The following ATP1B3 variants were observed in gnomAD, a reference collection of about 807,000 sequenced individuals.
ATP1B3 encodes the protein ATPase Na+/K+ transporting subunit beta 3.
ATP1B3 carries 10 observed loss-of-function variants against 30.2 expected under a neutral mutation model. That is an observed-to-expected ratio of 0.33 (90% CI 0.20 to 0.56). The LOEUF is 0.56. ATP1B3 is among the 20% of genes least tolerant of loss of function. ATP1B3 has a pLI of 0.90. For synonymous variants in ATP1B3, 113 were observed against 117.0 expected (o/e 0.97, Z 0.22); for missense variants, 238 against 336.7 (o/e 0.71, Z 2.29).
In ATP1B3 at chr3:141,885,399, A is replaced by G. The variant is rs2107764253; in HGVS notation, c.109+8489A>G. 1.3e-5 allele frequency among the ~76,000 whole-genome samples: 2 copies of G among 152,016 alleles called. 1 individual carries two copies. The highest frequency in any genetic ancestry group is 2.9e-5 in the Non-Finnish European group (2 of 67,950). On this transcript the variant is annotated intron_variant, in intron 1 of 6. Transcript: ENST00000286371. Reference sequence around the variant, plus strand: ...TAACACTCCCACCAACCTTGTCCTCATTTTATCAGGATCTGGTAGTGCCTT... The same window carrying G: ...TAACACTCCCACCAACCTTGTCCTCGTTTTATCAGGATCTGGTAGTGCCTT...
At chr3:141,923,259 C>A (rs1934598087) in intron 6 of ATP1B3, among the ~76,000 whole-genome samples, 1 of 143,266 alleles carries the variant, frequency 7.0e-6, no homozygotes, top group African/African-American at 2.6e-5. Context: ...GCCTGGGCAA[C>A]AAAGCAAGAC....
intron 1 of ATP1B3, among the ~76,000 whole-genome samples, chr3:141,893,339 C>CT (rs375392385): frequency 5.9e-5 from 9 of 152,024 alleles, no homozygotes; most frequent in African/African-American, 1.2e-4. Flanking sequence ...AAAATTTTAC[C>CT]TTTTTATTTC....
rs991853045 is a variant in ATP1B3, at chr3:141,876,970, G to A, written c.109+60G>A. On this transcript the variant is annotated intron_variant, in intron 1 of 6. Transcript: ENST00000286371. Reference sequence around the variant, plus strand: ...CTCGGTCCCGGGGGCGCCGGGCGCGGTCTGGTGGGAACGGAAAGGCGGGAG... The same window carrying A: ...CTCGGTCCCGGGGGCGCCGGGCGCGATCTGGTGGGAACGGAAAGGCGGGAG... 56 of 1,368,432 alleles carry A rather than the reference G, an allele frequency of 4.1e-5. No homozygotes were observed. In the East Asian group the frequency reaches 1.5e-3, roughly 37 times the overall value. The allele number at this position is 1,368,432 out of a possible 1,614,324, so 84.8% of individuals were successfully genotyped here.
rs1351795854 is a variant in ATP1B3 at position 141,903,666 on chromosome 3, A to C, written c.156A>C (p.Ala52=). 5 of 1,613,632 alleles carry C rather than the reference A, an allele frequency of 3.1e-6. No homozygotes were observed. In the East Asian group the frequency reaches 1.1e-4, roughly 36 times the overall value. The change falls in exon 2 of 7, where the codon GCA becomes GCC. Residue 52 remains alanine (A), a synonymous_variant. Transcript: ENST00000286371. ...FYLVFYGFLA[A]LFSFTMWVML... ...TAGTTTTTTATGGGTTCCTGGCTGC[A>C]CTCTTCTCATTCACGATGTGGGTTA...
chr3:141,878,225 A>G (rs1933644621), intron 1 of ATP1B3, among the ~76,000 whole-genome samples: 1 of 152,194 alleles, frequency 6.6e-6, no homozygotes, highest in Admixed American at 6.5e-5. Flanking sequence ...GTTCTCCTTT[A>G]ATCCTAGTCC....
intron 1 of ATP1B3, among the ~76,000 whole-genome samples, chr3:141,883,597 C>T (rs1933775377): frequency 6.6e-6 from 1 of 152,114 alleles, no homozygotes; most frequent in Non-Finnish European, 1.5e-5. Flanking sequence ...TTGTCATTGC[C>T]TATTTACTAG....
At chr3:141,884,053 A>G (rs537040213) in intron 1 of ATP1B3, among the ~76,000 whole-genome samples, 5 of 152,160 alleles carry the variant, frequency 3.3e-5, no homozygotes, top group Non-Finnish European at 5.9e-5. Flanking sequence ...AGACCCTCAT[A>G]AAGTCTTTTT....
At chr3:141,923,940 G>A (rs769618144) in intron 6 of ATP1B3, among the ~76,000 whole-genome samples, 4 of 152,224 alleles carry the variant, frequency 2.6e-5, no homozygotes, top group Admixed American at 6.5e-5. Flanking sequence ...ATTTCATTCC[G>A]TTAATGGTGA....
intron 1 of ATP1B3, among the ~76,000 whole-genome samples, chr3:141,877,337 C>T (rs1405789457): frequency 2.0e-5 from 3 of 152,024 alleles, no homozygotes; most frequent in Admixed American, 6.5e-5. Flanking sequence ...GCCCGCTGAG[C>T]GGTTCGGAGA....
intron 5 of ATP1B3, among the ~76,000 whole-genome samples, chr3:141,920,378 T>A (rs1934545178): frequency 6.6e-6 from 1 of 152,010 alleles, no homozygotes; most frequent in Admixed American, 6.6e-5. Context: ...GATACAAAAA[T>A]CAGCCCTGCA....
chr3:141,904,023 A>T (rs1934216648), intron 2 of ATP1B3, among the ~76,000 whole-genome samples: 2 of 152,180 alleles, frequency 1.3e-5, no homozygotes, highest in Non-Finnish European at 2.9e-5. Flanking sequence ...ACCTCAGGTG[A>T]TCTGCCCCGC....
chr3:141,918,532 G>C (rs890531995), intron 5 of ATP1B3, among the ~76,000 whole-genome samples: 1 of 150,974 alleles, frequency 6.6e-6, no homozygotes, highest in Admixed American at 6.6e-5. Context: ...TTTGCCTCCC[G>C]GGTTCAAGCG....
intron 1 of ATP1B3, among the ~76,000 whole-genome samples, chr3:141,895,452 A>C (rs924718342): frequency 2.0e-5 from 3 of 152,108 alleles, no homozygotes; most frequent in Admixed American, 2.0e-4. Context: ...AGCCTCTCAA[A>C]GTACTGGGAT....
Position 141,876,786 on chromosome 3 carries a change from C to T in ATP1B3, c.-16C>T, listed in dbSNP as rs770812530. 1.9e-6 allele frequency: 3 copies of T among 1,585,978 alleles called. No homozygotes were observed. Among genetic ancestry groups the T allele is most frequent in the South Asian group, 2.2e-5 (2 of 89,642 alleles). On this transcript the variant is annotated 5_prime_UTR_variant, in exon 1 of 7. Transcript: ENST00000286371. ...TCCCCGCGGCCGCAGCTCCTCTCGCCGTCCGCGCGCACACCATGACGAAGA... is the reference window on the plus strand; with the variant it reads ...TCCCCGCGGCCGCAGCTCCTCTCGCTGTCCGCGCGCACACCATGACGAAGA...
chr3:141,881,089 A>G (rs891649449), intron 1 of ATP1B3, among the ~76,000 whole-genome samples: 1 of 151,722 alleles, frequency 6.6e-6, no homozygotes, highest in Admixed American at 6.6e-5. Flanking sequence ...TGTAATCCCA[A>G]CTACTCTGGA....
Position 141,903,670 on chromosome 3 carries a change from T to C in ATP1B3, c.160T>C (p.Phe54Leu). ...LVFYGFLAAL[F>L]SFTMWVMLQT... The stretch of plus-strand genomic sequence containing the variant: ...TTTTTATGGGTTCCTGGCTGCACTC[T>C]TCTCATTCACGATGTGGGTTATGCT... Residue 54 changes from phenylalanine to leucine, a missense_variant, in exon 2 of 7, where the codon TTC (phenylalanine) becomes CTC (leucine). Phe to Leu is a conservative substitution (Grantham distance 22). Coordinates refer to ENST00000286371, the MANE Select transcript of ATP1B3 (RefSeq NM_001679.4). The C allele has an allele frequency of 6.2e-7, 1 of 1,614,166 alleles. No homozygotes were observed. The highest frequency in any genetic ancestry group is 8.5e-7 in the Non-Finnish European group (1 of 1,179,972).
chr3:141,903,822 C>T, intron 2 of ATP1B3, 74 bp downstream of exon 2: 3 of 1,533,382 alleles, frequency 2.0e-6, no homozygotes, highest in Non-Finnish European at 1.8e-6. Context: ...ACTCTTGTTG[C>T]CCAGGCTGGA....
At chr3:141,890,501 C>T (rs1370918094) in intron 1 of ATP1B3, among the ~76,000 whole-genome samples, 8 of 151,752 alleles carry the variant, frequency 5.3e-5, no homozygotes, top group Non-Finnish European at 1.2e-4. Flanking sequence ...TGGGGTTTCA[C>T]CATGTTGGCC....
chr3:141,918,060 G>T (rs572931283), intron 5 of ATP1B3, among the ~76,000 whole-genome samples: 3 of 151,846 alleles, frequency 2.0e-5, no homozygotes, highest in Non-Finnish European at 4.4e-5. Flanking sequence ...GAGCCACCGC[G>T]CCCAGCTGAG....
Sources: allele counts gnomAD v4.1 joint callset (sites outside exome capture counted in the v4.1 genomes callset), GRCh38; gene constraint gnomAD v4.1.1; transcripts MANE v1.5; gene names NCBI Gene and HGNC (gene_info 2026-07-23, HGNC 2026-07-21).